Variants in NDFIP2 observed in about 807,000 individuals in gnomAD.
The protein encoded by NDFIP2 is NEDD4 family-interacting protein 2.
NDFIP2 carries 19 observed loss-of-function variants against 36.0 expected under a neutral mutation model. The observed-to-expected ratio is 0.53, with a 90% CI of 0.37 to 0.77. The LOEUF is 0.77. Ranked by LOEUF, NDFIP2 falls within the 30% of genes least tolerant of loss-of-function variation. The probability of loss-of-function intolerance (pLI) is 0.00; values close to 1 mark genes in which losing one functional copy is unlikely to be tolerated. For missense variants in NDFIP2, 446 were observed against 435.8 expected (o/e 1.02, Z -0.21); for synonymous variants, 181 against 167.7 (o/e 1.08, Z -0.61).
In NDFIP2 at chr13:79,527,010, A is replaced by G. The variant is rs1410817771; in HGVS notation, c.487+6035A>G. On this transcript the variant is annotated intron_variant, in intron 2 of 7. Transcript: ENST00000218652. The stretch of plus-strand genomic sequence containing the variant: ...ATTCTAAAGTCCACAGTCATGTTTT[A>G]TAATTGCGGTGTCCTGTGATTTTGG... Among the ~76,000 whole-genome samples, 5 of 152,212 alleles carry G rather than the reference A, an allele frequency of 3.3e-5. No individual in the cohort carries two copies. In the East Asian group the frequency reaches 9.6e-4, roughly 29 times the overall value.
At chr13:79,496,127 T>C (rs1031602571) in intron 1 of NDFIP2, among the ~76,000 whole-genome samples, 4 of 151,950 alleles carry the variant, frequency 2.6e-5, no homozygotes, top group African/African-American at 9.7e-5. Context: ...TTTACCATTC[T>C]CTGTATCCTG....
At chr13:79,503,304 TG>T (rs1431735916) in intron 1 of NDFIP2, among the ~76,000 whole-genome samples, 1 of 152,164 alleles carries the variant, frequency 6.6e-6, no homozygotes, top group Non-Finnish European at 1.5e-5. Flanking sequence ...CGTGATTTGT[TG>T]TCTTCCCTCC....
chr13:79,539,972 T>A (rs1373554117), intron 4 of NDFIP2, among the ~76,000 whole-genome samples, 197 bp downstream of exon 4: 1 of 152,254 alleles, frequency 6.6e-6, no homozygotes, highest in African/African-American at 2.4e-5. Context: ...CAAACTCTTG[T>A]TGGATAAATT....
At chr13:79,491,459 A>G (rs1384644026) in intron 1 of NDFIP2, among the ~76,000 whole-genome samples, 7 of 152,112 alleles carry the variant, frequency 4.6e-5, no homozygotes, top group African/African-American at 1.4e-4. Flanking sequence ...GAGTTGTTCA[A>G]TAAGTAGCCC....
chr13:79,522,138 A>G (rs905195540), intron 2 of NDFIP2, among the ~76,000 whole-genome samples: 5 of 151,980 alleles, frequency 3.3e-5, no homozygotes, highest in Admixed American at 3.3e-4. Context: ...TACTCCTTTT[A>G]TTTGTATAAA....
At chr13:79,491,282 C>T (rs1873216663) in intron 1 of NDFIP2, among the ~76,000 whole-genome samples, 1 of 152,072 alleles carries the variant, frequency 6.6e-6, no homozygotes, top group African/African-American at 2.4e-5. Context: ...GACATAAAAC[C>T]TTGCCTATGT....
chr13:79,484,794 C>T (rs560163087), intron 1 of NDFIP2, among the ~76,000 whole-genome samples: 18 of 152,140 alleles, frequency 1.2e-4, no homozygotes, highest in Non-Finnish European at 2.1e-4. Context: ...TTAAAGCCAT[C>T]TGGGCTTATA....
At position 79,539,666 on chromosome 13, in the gene NDFIP2, T is replaced by C. The variant is rs1875381491; in HGVS notation, c.622-16T>C. 7.5e-6 allele frequency: 12 copies of C among 1,600,918 alleles called. No homozygotes were observed. The highest frequency in any genetic ancestry group is 1.3e-5 in the African/African-American group (1 of 74,768). On this transcript the variant is annotated splice_polypyrimidine_tract_variant and intron_variant, in intron 3 of 7. Transcript: ENST00000218652. ...TGTAATTTTTAGTGAGCTATTCCAATGTTACATATTTACAGATTCAGGAGG... is the reference window on the plus strand; with the variant it reads ...TGTAATTTTTAGTGAGCTATTCCAACGTTACATATTTACAGATTCAGGAGG...
At chr13:79,519,872 C>T (rs1268110513) in intron 1 of NDFIP2, among the ~76,000 whole-genome samples, 1 of 152,224 alleles carries the variant, frequency 6.6e-6, no homozygotes, top group African/African-American at 2.4e-5. Flanking sequence ...GCAATTTTGG[C>T]TCATTGCAAC....
intron 1 of NDFIP2, among the ~76,000 whole-genome samples, chr13:79,519,465 C>T (rs1874478469): frequency 6.6e-6 from 1 of 152,134 alleles, no homozygotes; most frequent in South Asian, 2.1e-4. Flanking sequence ...GAGGAATGGC[C>T]ATTTCAAAGT....
At chr13:79,493,119 T>G (rs181036843) in intron 1 of NDFIP2, among the ~76,000 whole-genome samples, 1 of 152,312 alleles carries the variant, frequency 6.6e-6, no homozygotes, top group East Asian at 1.9e-4. Context: ...GAAGCAGGGC[T>G]TAGATCTGTC....
intron 7 of NDFIP2, among the ~76,000 whole-genome samples, chr13:79,551,327 TA>T (rs1434874128): frequency 6.6e-6 from 1 of 151,556 alleles, no homozygotes; most frequent in African/African-American, 2.4e-5. Flanking sequence ...TTGAATTTCA[TA>T]AATTTTAATT....
chr13:79,504,903 T>A (rs1485589531), intron 1 of NDFIP2, among the ~76,000 whole-genome samples: 2 of 152,212 alleles, frequency 1.3e-5, no homozygotes, highest in Non-Finnish European at 2.9e-5. Flanking sequence ...ATTCATGTTT[T>A]ATTCTATGAG....
chr13:79,550,227 C>G (rs1280562185), intron 6 of NDFIP2, among the ~76,000 whole-genome samples: 1 of 151,638 alleles, frequency 6.6e-6, no homozygotes, highest in East Asian at 1.9e-4. Context: ...ATGTTTTATA[C>G]TTATCTAATA....
intron 1 of NDFIP2, among the ~76,000 whole-genome samples, chr13:79,498,311 G>A (rs1028687064): frequency 6.6e-6 from 1 of 151,754 alleles, no homozygotes; most frequent in Non-Finnish European, 1.5e-5. Context: ...AAAAACCTCA[G>A]TATGGCAGTG....
intron 1 of NDFIP2, among the ~76,000 whole-genome samples, chr13:79,486,606 T>C (rs758363145): frequency 1.3e-5 from 2 of 152,202 alleles, no homozygotes; most frequent in Admixed American, 6.5e-5. Flanking sequence ...ATTCAGATAC[T>C]CATGTAACCC....
Position 79,536,580 on chromosome 13 carries a change from T to C in NDFIP2, c.622-3102T>C, listed in dbSNP as rs141419741. 9.5e-4 allele frequency among the ~76,000 whole-genome samples: 144 copies of C among 152,310 alleles called. 1 individual carries two copies. The highest frequency in any genetic ancestry group is 3.4e-3 in the African/African-American group (140 of 41,566). On this transcript the variant is annotated intron_variant, in intron 3 of 7. Transcript: ENST00000218652. The stretch of plus-strand genomic sequence containing the variant: ...AAATTATTGCCTAGATACCATTTTA[T>C]TTTTTAAACATCTTATATAAATATT...
At chr13:79,486,027 G>C (rs772141561) in intron 1 of NDFIP2, among the ~76,000 whole-genome samples, 30 of 152,198 alleles carry the variant, frequency 2.0e-4, no homozygotes, top group Admixed American at 1.2e-3. Context: ...AACACCACAT[G>C]ATATCACAAG....
intron 7 of NDFIP2, 22 bp downstream of exon 7, chr13:79,551,144 A>T: frequency 6.8e-7 from 1 of 1,463,358 alleles, no homozygotes; most frequent in Admixed American, 1.9e-5. Flanking sequence ...TAATCTGTGA[A>T]CTCTGCCTAT....
Sources: gnomAD v4.1 joint callset for allele counts (sites outside exome capture counted in the v4.1 genomes callset) on GRCh38, gnomAD v4.1.1 for gene constraint, MANE v1.5 for transcripts, NCBI Gene and HGNC (gene_info 2026-07-23, HGNC 2026-07-21) for gene names.